The following CYP4A11 variants were observed in gnomAD, a reference collection of about 807,000 sequenced individuals.
CYP4A11 encodes the protein cytochrome P450 family 4 subfamily A member 11.
A neutral mutation model predicts 57.7 loss-of-function variants in CYP4A11; 52 were observed. The observed-to-expected ratio is 0.90, with a 90% CI of 0.72 to 1.14. The LOEUF is 1.14. Ranked by LOEUF, CYP4A11 falls within the 50% of genes most tolerant of loss-of-function variation. The pLI, the probability that CYP4A11 is intolerant of heterozygous loss-of-function variation, is 0.00. For synonymous variants in CYP4A11, 228 were observed against 247.1 expected (o/e 0.92, Z 0.72); for missense variants, 641 against 642.1 (o/e 1.00, Z 0.02).
chr1:46,933,441 ATTGTC>A (rs1681160926), intron 9 of CYP4A11, among the ~76,000 whole-genome samples: 1 of 152,180 alleles, frequency 6.6e-6, no homozygotes, highest in East Asian at 1.9e-4. Context: ...AGAGAGACCA[ATTGTC>A]TTGTCTATGT....
chr1:46,931,032 C>T (rs904220979), intron 11 of CYP4A11, among the ~76,000 whole-genome samples: 1 of 152,212 alleles, frequency 6.6e-6, no homozygotes, highest in African/African-American at 2.4e-5. Flanking sequence ...AGCCACAGCC[C>T]AGCTCAGACC....
chr1:46,938,444 T>G (rs1045648765), intron 1 of CYP4A11, among the ~76,000 whole-genome samples: 2 of 152,234 alleles, frequency 1.3e-5, no homozygotes, highest in African/African-American at 4.8e-5. Context: ...TCATATTAGT[T>G]GATAAGTAGA....
rs143061381 is a variant in CYP4A11 at position 46,935,540 on chromosome 1, G to T, written c.618C>A (p.Gly206=). 35 of 1,613,950 alleles carry T rather than the reference G, an allele frequency of 2.2e-5. 1 individual carries two copies. In the African/African-American group the frequency reaches 2.8e-4, roughly 13 times the overall value. The change falls in exon 5 of 12, where the codon GGC becomes GGA. Residue 206 remains glycine (G), a synonymous_variant. Coordinates refer to ENST00000310638, the MANE Select transcript of CYP4A11 (RefSeq NM_000778.4). ...TCACTGACCTGTCCACCTGGATGCTGCCCTGATGGCTGAAGGCACACTTCA... is the reference window on the plus strand; with the variant it reads ...TCACTGACCTGTCCACCTGGATGCTTCCCTGATGGCTGAAGGCACACTTCA... The part of the protein sequence containing the change: ...TIMKCAFSHQ[G]SIQVDRNSQS...
rs758517485 is a variant in CYP4A11 at position 46,933,964 on chromosome 1, C to T, written c.1204G>A (p.Gly402Arg). 20 of 1,613,998 alleles carry T rather than the reference C, an allele frequency of 1.2e-5. 1 individual carries two copies. In the South Asian group the frequency reaches 2.0e-4, roughly 16 times the overall value. The change falls in exon 9 of 12, where the codon GGG (glycine) becomes AGG (arginine). Residue 402 changes from glycine to arginine, a missense_variant. Physicochemically the swap from Gly to Arg is moderately radical, Grantham distance 125. Coordinates refer to ENST00000310638, the MANE Select transcript of CYP4A11 (RefSeq NM_000778.4). ...TTCATACCTTTGGGCAAGGAGCGCCCATCAGGGAAGGTGACGGGAGTGCTG... is the reference window on the plus strand; with the variant it reads ...TTCATACCTTTGGGCAAGGAGCGCCTATCAGGGAAGGTGACGGGAGTGCTG... ...ELSTPVTFPD[G>R]RSLPKGIMVL...
At position 46,930,953 on chromosome 1, in the gene CYP4A11, C is replaced by T. The variant is rs573797145; in HGVS notation, c.1365-643G>A. ...CTTCTAATTCTACTCCAGAAACATC[C>T]TTCCTTGCCCTTCCTCAGTATTCTT... On this transcript the variant is annotated intron_variant, in intron 11 of 11. Coordinates refer to ENST00000310638, the MANE Select transcript of CYP4A11 (RefSeq NM_000778.4). Among the ~76,000 whole-genome samples the T allele has an allele frequency of 2.2e-4, 33 of 152,310 alleles. 1 individual carries two copies. In the South Asian group the frequency reaches 6.8e-3, roughly 32 times the overall value.
chr1:46,934,563 T>C lies in CYP4A11; in HGVS notation c.791-4A>G, dbSNP rs948918871. 2.5e-6 allele frequency: 4 copies of C among 1,609,922 alleles called. No individual in the cohort carries two copies. The highest frequency in any genetic ancestry group is 3.4e-5 in the Admixed American group (2 of 59,278). On this transcript the variant is annotated splice_region_variant and splice_polypyrimidine_tract_variant and intron_variant, in intron 6 of 11. Coordinates refer to ENST00000310638, the MANE Select transcript of CYP4A11 (RefSeq NM_000778.4). ...TTCCTCAGTTGGATCACTTGGTCTG[T>C]ACCAGAACAATGGTTACCAGGCAGA...
Position 46,938,052 on chromosome 1 carries a change from T to G in CYP4A11, c.281A>C (p.Lys94Thr), listed in dbSNP as rs778190816. 1.9e-6 allele frequency: 3 copies of G among 1,614,180 alleles called. No individual in the cohort carries two copies. Among genetic ancestry groups the G allele is most frequent in the South Asian group, 2.2e-5 (2 of 91,072 alleles). Residue 94 changes from lysine to threonine, a missense_variant, in exon 2 of 12, where the codon AAA becomes ACA. Physicochemically the swap from Lys to Thr is moderately conservative, Grantham distance 78. Coordinates refer to ENST00000310638, the MANE Select transcript of CYP4A11 (RefSeq NM_000778.4). ...SACPHWLWGG[K>T]VRVQLYDPDY... ...AGGGTCATAGAGCTGGACACGAACTTTGCCTCCCCATAGCCAATGAGGACA... is the reference window on the plus strand; with the variant it reads ...AGGGTCATAGAGCTGGACACGAACTGTGCCTCCCCATAGCCAATGAGGACA...
chr1:46,940,404 T>C (rs1339519199), intron 1 of CYP4A11, among the ~76,000 whole-genome samples: 1 of 152,230 alleles, frequency 6.6e-6, no homozygotes, highest in African/African-American at 2.4e-5. Flanking sequence ...AAGCTTGCTC[T>C]ACACACCTGA....
intron 3 of CYP4A11, 23 bp from the exon 4 acceptor site, chr1:46,936,814 TTTGTG>T (rs1468476389): frequency 1.3e-6 from 2 of 1,491,568 alleles, no homozygotes; most frequent in Non-Finnish European, 1.8e-6. Context: ...TGAATGTGTG[TTTGTG>T]TGTGTGTGTG....
chr1:46,932,465 T>C, intron 11 of CYP4A11: 2 of 1,249,042 alleles, frequency 1.6e-6, no homozygotes, highest in African/African-American at 1.5e-5. Flanking sequence ...AGAATTCATA[T>C]CCTTAAAGTG....
chr1:46,937,877 G>A (rs889767686), intron 2 of CYP4A11, 119 bp downstream of exon 2: 85 of 1,467,938 alleles, frequency 5.8e-5, no homozygotes, highest in South Asian at 1.9e-4. Context: ...TGGTGGATGC[G>A]TGGGAGAGGT....
In CYP4A11 at chr1:46,935,514, G is replaced by T. The variant is rs1681329477; in HGVS notation, c.635+9C>A. 1 of 1,610,498 alleles carries T rather than the reference G, an allele frequency of 6.2e-7. No individual in the cohort carries two copies. Among genetic ancestry groups the T allele is most frequent in the South Asian group, 1.1e-5 (1 of 90,146 alleles). ...ACAAGGGCCCTGCAGCTGGAGGGTT[G>T]TCACTGACCTGTCCACCTGGATGCT... On this transcript the variant is annotated intron_variant, in intron 5 of 11. Transcript: ENST00000310638.
Position 46,929,986 on chromosome 1 carries a change from G to A in CYP4A11, c.*129C>T. ...GCCTGGAGAAAGGTGAGAGAGAGAA[G>A]GGCAGGCAGACTGGGGGACAGCAGG... On this transcript the variant is annotated 3_prime_UTR_variant, in exon 12 of 12. Coordinates refer to ENST00000310638, the MANE Select transcript of CYP4A11 (RefSeq NM_000778.4). 1 of 1,215,170 alleles carries A rather than the reference G, an allele frequency of 8.2e-7. No homozygotes were observed. Among genetic ancestry groups the A allele is most frequent in the Non-Finnish European group, 1.1e-6 (1 of 882,874 alleles). 75.3% of individuals were successfully genotyped at this position (1,215,170 alleles called of 1,614,324 possible).
At chr1:46,940,386 G>T (rs2148467971) in intron 1 of CYP4A11, among the ~76,000 whole-genome samples, 1 of 152,302 alleles carries the variant, frequency 6.6e-6, no homozygotes, top group Non-Finnish European at 1.5e-5. Context: ...ATGGGGCGTG[G>T]GTTGGACAAG....
chr1:46,935,991 A>C (rs1444993457), intron 4 of CYP4A11, among the ~76,000 whole-genome samples: 1 of 152,224 alleles, frequency 6.6e-6, no homozygotes, highest in Non-Finnish European at 1.5e-5. Context: ...GGGACTCTTC[A>C]GTGTTCTGAG....
chr1:46,940,875 T>A, intron 1 of CYP4A11: 1 of 985,376 alleles, frequency 1.0e-6, no homozygotes, highest in Non-Finnish European at 1.2e-6. Flanking sequence ...GGCAGAGTGA[T>A]GGCATTGAGT....
At chr1:46,938,211 A>G in intron 1 of CYP4A11, 74 bp from the exon 2 acceptor site, 1 of 1,582,736 alleles carries the variant, frequency 6.3e-7, no homozygotes, top group Admixed American at 1.7e-5. Context: ...GGGCAGGACA[A>G]CTACAGGAGC....
In CYP4A11 at chr1:46,932,847, G is replaced by A; in HGVS notation, c.1288-10C>T. The A allele has an allele frequency of 6.2e-7, 1 of 1,614,200 alleles. No individual in the cohort carries two copies. The highest frequency in any genetic ancestry group is 1.3e-5 in the African/African-American group (1 of 75,046). On this transcript the variant is annotated splice_polypyrimidine_tract_variant and intron_variant, in intron 10 of 11. Transcript: ENST00000310638. ...GGAAAGGGTCAAACACCTGCAGAGA[G>A]AGCACCAGAGCCAGGATAGTTAAGG... is the stretch of plus-strand genomic sequence containing the variant.
chr1:46,934,501 G>C lies in CYP4A11; in HGVS notation c.849C>G (p.Ile283Met), dbSNP rs775888309. The change falls in exon 7 of 12, where the codon ATC becomes ATG. Residue 283 changes from isoleucine (I) to methionine (M), a missense_variant. Physicochemically the swap from Ile to Met is conservative, Grantham distance 10. Transcript: ENST00000310638. ...GAAAATCCAAATGCCTCTTCCTCTT[G>C]ATCTTCTCCAGCTCCCCCTCCTTCT... ...QLQKEGELEKIKRKRHLDFLD... is the reference protein window; with the variant it reads ...QLQKEGELEKMKRKRHLDFLD... The C allele has an allele frequency of 1.9e-6, 3 of 1,613,846 alleles. No homozygotes were observed. Among genetic ancestry groups the C allele is most frequent in the Non-Finnish European group, 2.5e-6 (3 of 1,179,854 alleles).
Sources: allele counts gnomAD v4.1 joint callset (sites outside exome capture counted in the v4.1 genomes callset), GRCh38; gene constraint gnomAD v4.1.1; transcripts MANE v1.5; gene names NCBI Gene and HGNC (gene_info 2026-07-23, HGNC 2026-07-21).